PIAS2: variants seen among roughly 807,000 people sequenced by gnomAD.
PIAS2 encodes the protein E3 SUMO-protein ligase PIAS2.
PIAS2 carries 19 observed loss-of-function variants against 69.7 expected under a neutral mutation model. The observed-to-expected ratio is 0.27, with a 90% confidence interval of 0.19 to 0.40. The LOEUF is 0.40. Among genes scored for constraint, PIAS2 ranks in the 10% least tolerant of loss-of-function variants. PIAS2 has a pLI of 1.00. For synonymous variants in PIAS2, 261 were observed against 263.2 expected (o/e 0.99, Z 0.08); for missense variants, 624 against 757.0 (o/e 0.82, Z 2.06).
At chr18:46,835,036 A>C (rs1167743546) in intron 9 of PIAS2, among the ~76,000 whole-genome samples, 1 of 152,236 alleles carries the variant, frequency 6.6e-6, no homozygotes, top group African/African-American at 2.4e-5. Context: ...TCACAGGGCA[A>C]TTTTAAATTG....
At chr18:46,884,799 C>T (rs1281798388) in intron 2 of PIAS2, among the ~76,000 whole-genome samples, 1 of 152,052 alleles carries the variant, frequency 6.6e-6, no homozygotes, top group East Asian at 2.0e-4. Context: ...TGCCTGTAAT[C>T]CCAGCTACTC....
chr18:46,905,154 G>A (rs2056434475), intron 1 of PIAS2, among the ~76,000 whole-genome samples: 2 of 152,020 alleles, frequency 1.3e-5, no homozygotes, highest in South Asian at 4.1e-4. Flanking sequence ...TCAAAGAGTT[G>A]GCATTATACA....
Position 46,812,485 on chromosome 18 carries a change from C to A in PIAS2, c.1814G>T (p.Gly605Val). ...VSSSSSRSET[G>V]VITSSGSNIP... is the part of the protein sequence containing the mutation. ...GTTACTTCCACTGCTGGTTATGACC[C>A]CTGTCTCACTCCTGCTGCTGGATGA... Residue 605 changes from glycine to valine, a missense_variant, in exon 14 of 14, where the codon GGG (glycine) becomes GTG (valine). By Grantham distance (109) the Gly-to-Val change is moderately radical (BLOSUM62 -3). This residue lies in a region of PIAS2 where 241 missense variants were observed against 257.3 expected (regional missense o/e 0.94). Coordinates refer to ENST00000585916, the MANE Select transcript of PIAS2 (RefSeq NM_004671.5). 1 of 1,613,130 alleles carries A rather than the reference C, an allele frequency of 6.2e-7. No homozygotes were observed. The highest frequency in any genetic ancestry group is 8.5e-7 in the Non-Finnish European group (1 of 1,179,246).
intron 12 of PIAS2, chr18:46,816,316 TATA>T (rs2041531340): frequency 1.0e-6 from 1 of 956,970 alleles, no homozygotes; most frequent in Admixed American, 6.2e-5. Flanking sequence ...AGTATGAATT[TATA>T]ACTCAAAAAA....
chr18:46,827,714 T>C, intron 11 of PIAS2: 1 of 365,802 alleles, frequency 2.7e-6, no homozygotes, highest in Non-Finnish European at 5.0e-6. Flanking sequence ...TTCAAGAAAA[T>C]AACAAAAAGT....
At chr18:46,823,928 G>GA (rs1417079781) in intron 11 of PIAS2, among the ~76,000 whole-genome samples, 1 of 152,096 alleles carries the variant, frequency 6.6e-6, no homozygotes, top group African/African-American at 2.4e-5. Flanking sequence ...CAGATTCCAT[G>GA]AAAAAATGTA....
intron 6 of PIAS2, among the ~76,000 whole-genome samples, chr18:46,845,913 T>C (rs548145139): frequency 3.9e-5 from 6 of 152,122 alleles, no homozygotes; most frequent in Non-Finnish European, 8.8e-5. Context: ...ATTACCTTGG[T>C]GGTAAAACAA....
chr18:46,830,528 T>C (rs2043455650), intron 9 of PIAS2, among the ~76,000 whole-genome samples: 1 of 151,464 alleles, frequency 6.6e-6, no homozygotes, highest in African/African-American at 2.4e-5. Context: ...CTTCCCTAAT[T>C]AGAAATAAAG....
intron 3 of PIAS2, among the ~76,000 whole-genome samples, chr18:46,856,571 G>A (rs1004794784): frequency 3.3e-5 from 5 of 152,030 alleles, no homozygotes; most frequent in Non-Finnish European, 2.9e-5. Flanking sequence ...CTCTTGCCAC[G>A]CAACATGGAG....
At chr18:46,894,383 A>G (rs187333751) in intron 1 of PIAS2, among the ~76,000 whole-genome samples, 47 of 152,234 alleles carry the variant, frequency 3.1e-4, no homozygotes, top group African/African-American at 1.1e-3. Context: ...GCCTGCTATG[A>G]ACACTACCAA....
chr18:46,910,474 A>C (rs2146290117), intron 1 of PIAS2, among the ~76,000 whole-genome samples: 1 of 152,290 alleles, frequency 6.6e-6, no homozygotes, highest in East Asian at 1.9e-4. Flanking sequence ...CCACTGTTAG[A>C]GTCACCAATT....
rs115514707 is a variant in PIAS2 at position 46,886,947 on chromosome 18, C to A, written c.499+3633G>T. Among the ~76,000 whole-genome samples the A allele has an allele frequency of 6.3e-3, 957 of 152,160 alleles. 7 individuals carry two copies. Among genetic ancestry groups the A allele is most frequent in the African/African-American group, 0.022 (899 of 41,512 alleles). On this transcript the variant is annotated intron_variant, in intron 2 of 13. Coordinates refer to ENST00000585916, the MANE Select transcript of PIAS2 (RefSeq NM_004671.5). ...GATACAAGTTTTCATCTAAAAATCA[C>A]AGAGATCTGTTTTCAATAGCACCCA...
intron 9 of PIAS2, among the ~76,000 whole-genome samples, chr18:46,833,080 A>G (rs2043911285): frequency 6.6e-6 from 1 of 152,180 alleles, no homozygotes; most frequent in Non-Finnish European, 1.5e-5. Flanking sequence ...TATTTACCCA[A>G]GATAAATGAA....
chr18:46,856,242 C>A (rs2047809300), intron 3 of PIAS2, among the ~76,000 whole-genome samples: 1 of 151,972 alleles, frequency 6.6e-6, no homozygotes, highest in Admixed American at 6.6e-5. Context: ...ACCTCGTGAT[C>A]CGTCCGCCTT....
At chr18:46,823,252 C>G (rs931965384) in intron 11 of PIAS2, among the ~76,000 whole-genome samples, 4 of 151,832 alleles carry the variant, frequency 2.6e-5, no homozygotes, top group Admixed American at 1.3e-4. Flanking sequence ...TACATTTAAC[C>G]TATCGTGTTT....
At chr18:46,819,714 T>C (rs1185664494) in intron 12 of PIAS2, among the ~76,000 whole-genome samples, 4 of 151,628 alleles carry the variant, frequency 2.6e-5, no homozygotes, top group African/African-American at 4.8e-5. Flanking sequence ...GAGGAGAGAA[T>C]TGTATTCCAC....
chr18:46,842,611 C>T (rs991888532), intron 8 of PIAS2, among the ~76,000 whole-genome samples: 6 of 152,098 alleles, frequency 3.9e-5, no homozygotes, highest in South Asian at 2.1e-4. Flanking sequence ...TGTTTTTTAA[C>T]CAACAAAAAG....
chr18:46,831,541 A>C (rs1350094511), intron 9 of PIAS2, among the ~76,000 whole-genome samples: 1 of 152,238 alleles, frequency 6.6e-6, no homozygotes, highest in Non-Finnish European at 1.5e-5. Flanking sequence ...AATAGCCAAG[A>C]TAATTTTGAA....
chr18:46,871,097 T>C (rs1311791946), intron 2 of PIAS2, among the ~76,000 whole-genome samples: 2 of 152,200 alleles, frequency 1.3e-5, no homozygotes, highest in Non-Finnish European at 2.9e-5. Flanking sequence ...GGGCAGGGAA[T>C]ACTCAAGTTA....
Sources: gnomAD v4.1 joint callset for allele counts (sites outside exome capture counted in the v4.1 genomes callset) on GRCh38, gnomAD v4.1.1 for gene constraint, gnomAD v4.1.1 regional missense constraint, MANE v1.5 for transcripts, NCBI Gene and HGNC (gene_info 2026-07-23, HGNC 2026-07-21) for gene names.